The following KLHL14 variants were observed in gnomAD, a reference collection of about 807,000 sequenced individuals.
KLHL14 encodes the protein kelch-like protein 14.
A neutral mutation model predicts 64.3 loss-of-function variants in KLHL14; 22 were observed. The ratio of observed to expected loss-of-function variants is 0.34; its 90% CI spans 0.24 to 0.49. The LOEUF (loss-of-function observed/expected upper bound fraction) is 0.49. Ranked by LOEUF, KLHL14 falls within the 20% of genes least tolerant of loss-of-function variation. KLHL14 has a pLI of 0.99. For synonymous variants in KLHL14, 322 were observed against 333.4 expected (o/e 0.97, Z 0.37); for missense variants, 661 against 789.0 (o/e 0.84, Z 1.94).
At chr18:32,731,989 G>A (rs528469543) in intron 3 of KLHL14, among the ~76,000 whole-genome samples, 1 of 152,278 alleles carries the variant, frequency 6.6e-6, no homozygotes, top group African/African-American at 2.4e-5. Context: ...GGGAGGCCGA[G>A]GCGGGTGGAT....
intron 2 of KLHL14, among the ~76,000 whole-genome samples, chr18:32,757,110 A>C (rs1221589839): frequency 6.6e-6 from 1 of 152,252 alleles, no homozygotes; most frequent in Non-Finnish European, 1.5e-5. Context: ...ATTGTTCATG[A>C]AGATACATAA....
At chr18:32,720,072 A>T (rs2050069059) in intron 3 of KLHL14, among the ~76,000 whole-genome samples, 1 of 152,238 alleles carries the variant, frequency 6.6e-6, no homozygotes, top group Non-Finnish European at 1.5e-5. Flanking sequence ...AACATTCCAT[A>T]CCAAAGAAGA....
chr18:32,720,557 G>A (rs2050073060), intron 3 of KLHL14, among the ~76,000 whole-genome samples: 1 of 152,146 alleles, frequency 6.6e-6, no homozygotes, highest in Non-Finnish European at 1.5e-5. Context: ...AGAAGTCTGG[G>A]AAGGAAACTC....
Position 32,677,155 on chromosome 18 carries a change from G to A in KLHL14, c.1746+18C>T, listed in dbSNP as rs2049815169. 1 of 1,603,704 alleles carries A rather than the reference G, an allele frequency of 6.2e-7. No homozygotes were observed. Among genetic ancestry groups the A allele is most frequent in the Non-Finnish European group, 8.5e-7 (1 of 1,175,376 alleles). Reference sequence around the variant, plus strand: ...CACAAACGAAATAAAGGAGGATGCAGTAAATGTGGACACATACCATACTCC... The same window carrying A: ...CACAAACGAAATAAAGGAGGATGCAATAAATGTGGACACATACCATACTCC... On this transcript the variant is annotated intron_variant, in intron 8 of 8. Coordinates refer to ENST00000359358, the MANE Select transcript of KLHL14 (RefSeq NM_020805.3).
At chr18:32,746,111 C>CT (rs1454405883) in intron 2 of KLHL14, among the ~76,000 whole-genome samples, 1 of 152,118 alleles carries the variant, frequency 6.6e-6, no homozygotes, top group Non-Finnish European at 1.5e-5. Flanking sequence ...CTCTTCATAC[C>CT]TTTTATTATT....
intron 3 of KLHL14, among the ~76,000 whole-genome samples, chr18:32,728,423 A>G (rs1366482596): frequency 6.6e-6 from 1 of 152,214 alleles, no homozygotes; most frequent in Admixed American, 6.5e-5. Context: ...CTGATGTCTG[A>G]ATTAAATTAA....
rs572465830 is a variant in KLHL14, at chr18:32,672,819, A to G, written c.*1838T>C. The G allele has an allele frequency of 6.5e-6, 1 of 152,744 alleles. No homozygotes were observed. The highest frequency in any genetic ancestry group is 2.1e-4 in the South Asian group (1 of 4,830). 9.5% of individuals were successfully genotyped at this position (152,744 alleles called of 1,614,324 possible). On this transcript the variant is annotated 3_prime_UTR_variant, in exon 9 of 9. Coordinates refer to ENST00000359358, the MANE Select transcript of KLHL14 (RefSeq NM_020805.3). Reference sequence around the variant, plus strand: ...ACTTATGTCTCTCTGAAATACAGAAAGCTTTACTTATAATTCTCATAAATG... The same window carrying G: ...ACTTATGTCTCTCTGAAATACAGAAGGCTTTACTTATAATTCTCATAAATG...
chr18:32,712,442 T>C (rs986005262), intron 3 of KLHL14, among the ~76,000 whole-genome samples: 16 of 152,274 alleles, frequency 1.1e-4, no homozygotes, highest in Admixed American at 9.2e-4. Flanking sequence ...GGATGGACCT[T>C]CCATGCTCAT....
At chr18:32,752,609 G>A (rs2050260582) in intron 2 of KLHL14, among the ~76,000 whole-genome samples, 1 of 152,136 alleles carries the variant, frequency 6.6e-6, no homozygotes, top group Admixed American at 6.5e-5. Context: ...CCATGATAAA[G>A]CACAATGTTT....
At chr18:32,762,898 A>G (rs1198656351) in intron 2 of KLHL14, among the ~76,000 whole-genome samples, 2 of 152,180 alleles carry the variant, frequency 1.3e-5, no homozygotes, top group Non-Finnish European at 2.9e-5. Context: ...TATAAACAGA[A>G]TAAATTTTCA....
At chr18:32,712,742 CA>C (rs1395095193) in intron 3 of KLHL14, among the ~76,000 whole-genome samples, 2 of 152,206 alleles carry the variant, frequency 1.3e-5, no homozygotes, top group African/African-American at 4.8e-5. Context: ...ATTTTCACTT[CA>C]ACCTGTTCCA....
chr18:32,702,173 G>C (rs113952996), intron 3 of KLHL14, among the ~76,000 whole-genome samples: 1 of 151,952 alleles, frequency 6.6e-6, no homozygotes, highest in Non-Finnish European at 1.5e-5. Context: ...CAAAATAAAT[G>C]ATATCTTGGA....
rs1017540292 is a variant in KLHL14, at chr18:32,683,632, G to A, written c.1239-3033C>T. Among the ~76,000 whole-genome samples, 70 of 152,234 alleles carry A rather than the reference G, an allele frequency of 4.6e-4. No individual in the cohort carries two copies. Among genetic ancestry groups the A allele is most frequent in the African/African-American group, 1.6e-3 (65 of 41,542 alleles). ...AAATTGTTCATCTCTCCCTCCTTCAGCCTCCCCTGCCCCCACTGCCAGAAG... is the reference window on the plus strand; with the variant it reads ...AAATTGTTCATCTCTCCCTCCTTCAACCTCCCCTGCCCCCACTGCCAGAAG... On this transcript the variant is annotated intron_variant, in intron 5 of 8. Transcript: ENST00000359358. This position sits in a 1 kb window ranked among gnomAD's most constrained non-coding sequence, Gnocchi z 4.2.
At position 32,770,357 on chromosome 18, in the gene KLHL14, C is replaced by T. The variant is rs772772728; in HGVS notation, c.235G>A (p.Gly79Arg). 5.0e-6 allele frequency: 8 copies of T among 1,585,330 alleles called. No individual in the cohort carries two copies. In the East Asian group the frequency reaches 1.8e-4, roughly 36 times the overall value. Residue 79 changes from glycine (G) to arginine (R), a missense_variant, in exon 2 of 9, where the codon GGG becomes AGG. Physicochemically the swap from Gly to Arg is moderately radical, Grantham distance 125. Coordinates refer to ENST00000359358, the MANE Select transcript of KLHL14 (RefSeq NM_020805.3). This position sits in a 1 kb window ranked among gnomAD's most constrained non-coding sequence, Gnocchi z 6.7. ...GGGVGGQDGL[G>R]APKDQQQPPQ... is the part of the protein sequence containing the mutation. ...GGCTGCTGCTGGTCCTTGGGGGCCC[C>T]CAGGCCGTCCTGGCCGCCGACCCCT...
At chr18:32,712,200 C>T (rs1242618407) in intron 3 of KLHL14, among the ~76,000 whole-genome samples, 3 of 152,044 alleles carry the variant, frequency 2.0e-5, no homozygotes, top group African/African-American at 7.3e-5. Flanking sequence ...TACTATCTTG[C>T]CCTTACAGAA....
chr18:32,722,659 C>G (rs561675608), intron 3 of KLHL14, among the ~76,000 whole-genome samples: 77 of 152,188 alleles, frequency 5.1e-4, no homozygotes, highest in African/African-American at 1.9e-3. Flanking sequence ...GAAAAAAAAA[C>G]AGCAATCCAT....
chr18:32,730,698 A>C (rs1454524735), intron 3 of KLHL14, among the ~76,000 whole-genome samples: 1 of 152,188 alleles, frequency 6.6e-6, no homozygotes, highest in Non-Finnish European at 1.5e-5. Flanking sequence ...ATGAAAGTGA[A>C]AGTGATACAT....
At chr18:32,772,280 C>T (rs779816949) in intron 1 of KLHL14, 4 of 384,840 alleles carry the variant, frequency 1.0e-5, no homozygotes, top group South Asian at 3.7e-5. Flanking sequence ...TTTACCATCC[C>T]GTTCCAGGTG....
At chr18:32,722,518 G>A (rs554293572) in intron 3 of KLHL14, among the ~76,000 whole-genome samples, 23 of 152,236 alleles carry the variant, frequency 1.5e-4, no homozygotes, top group African/African-American at 5.3e-4. Context: ...TTCTCACCAC[G>A]AATGCCACTT....
Sources: gnomAD v4.1 joint callset for allele counts (sites outside exome capture counted in the v4.1 genomes callset) on GRCh38, gnomAD v4.1.1 for gene constraint, Gnocchi (gnomAD v3.1) non-coding constraint, MANE v1.5 for transcripts, NCBI Gene and HGNC (gene_info 2026-07-23, HGNC 2026-07-21) for gene names.